Variants in SLC39A11 observed in about 807,000 individuals in gnomAD.
SLC39A11 encodes zinc transporter ZIP11.
SLC39A11 carries 33 observed loss-of-function variants against 36.1 expected under a neutral mutation model. The observed-to-expected ratio is 0.91, with a 90% CI of 0.69 to 1.22. The LOEUF is 1.22. SLC39A11 is among the 50% of genes most tolerant of loss of function. The probability of loss-of-function intolerance (pLI) is 0.00; values close to 1 mark genes in which losing one functional copy is unlikely to be tolerated. For missense variants in SLC39A11, 432 were observed against 430.3 expected, an observed-to-expected ratio of 1.00 and a Z score of -0.03; for synonymous variants, 166 against 170.3, an observed-to-expected ratio of 0.97 and a Z score of 0.20.
At chr17:72,903,019 C>A in intron 5 of SLC39A11, among the ~76,000 whole-genome samples, 1 of 152,168 alleles carries the variant, frequency 6.6e-6, no homozygotes, top group Admixed American at 6.5e-5. Context: ...GTAATCCCAA[C>A]ACTTTGGGAG....
intron 4 of SLC39A11, among the ~76,000 whole-genome samples, chr17:72,971,058 G>T (rs975929756): frequency 6.6e-6 from 1 of 152,154 alleles, no homozygotes; most frequent in Non-Finnish European, 1.5e-5. Flanking sequence ...TGACTGTCCT[G>T]CCTCTGAATC....
At chr17:72,772,026 C>A (rs2075966786) in intron 6 of SLC39A11, among the ~76,000 whole-genome samples, 1 of 152,168 alleles carries the variant, frequency 6.6e-6, no homozygotes, top group Non-Finnish European at 1.5e-5. Context: ...TCCCTTCCAT[C>A]ATTGAAACAA....
chr17:72,740,461 A>C (rs2074643270), intron 6 of SLC39A11, among the ~76,000 whole-genome samples: 1 of 152,166 alleles, frequency 6.6e-6, no homozygotes, highest in African/African-American at 2.4e-5. Context: ...TTGTCTGTTT[A>C]TAAAGAGGAG....
At chr17:72,847,669 T>C (rs1339795867) in intron 6 of SLC39A11, among the ~76,000 whole-genome samples, 1 of 152,122 alleles carries the variant, frequency 6.6e-6, no homozygotes, top group Non-Finnish European at 1.5e-5. Flanking sequence ...CTAGAATATA[T>C]AATATGTATT....
At chr17:73,013,562 C>T (rs1170593268) in intron 4 of SLC39A11, among the ~76,000 whole-genome samples, 1 of 152,254 alleles carries the variant, frequency 6.6e-6, no homozygotes, top group Non-Finnish European at 1.5e-5. Context: ...TCAGGCTGTA[C>T]TTTGCCAGCC....
chr17:72,659,665 C>A (rs902734308), intron 7 of SLC39A11, among the ~76,000 whole-genome samples: 2 of 148,984 alleles, frequency 1.3e-5, no homozygotes, highest in African/African-American at 5.0e-5. Flanking sequence ...TCACTGCAAC[C>A]TCTGCCTCCC....
intron 4 of SLC39A11, among the ~76,000 whole-genome samples, chr17:73,023,524 CTCT>C (rs2058428573): frequency 2.6e-5 from 4 of 152,104 alleles, no homozygotes; most frequent in Non-Finnish European, 4.4e-5. Flanking sequence ...CAGTGTCTCA[CTCT>C]TGCCCAGGCT....
chr17:72,912,228 T>C (rs1402574908), intron 5 of SLC39A11, among the ~76,000 whole-genome samples: 1 of 151,920 alleles, frequency 6.6e-6, no homozygotes, highest in African/African-American at 2.4e-5. Context: ...AGTCCAATCC[T>C]ATGATATGGA....
chr17:72,810,309 T>C (rs2077394361), intron 6 of SLC39A11, among the ~76,000 whole-genome samples: 1 of 152,226 alleles, frequency 6.6e-6, no homozygotes, highest in East Asian at 1.9e-4. Context: ...ACACTCATTG[T>C]GGTTTTTCTC....
Position 72,984,936 on chromosome 17 carries a change from C to T in SLC39A11, c.307-37061G>A, listed in dbSNP as rs28470326. On this transcript the variant is annotated intron_variant, in intron 4 of 9. Transcript: ENST00000255559. The stretch of plus-strand genomic sequence containing the variant: ...AATCCAATAACTCTAGAGAATTGCA[C>T]ACAGCAGCAATAACCCTCTTATGGA... Among the ~76,000 whole-genome samples, 401 of 152,318 alleles carry T rather than the reference C, an allele frequency of 2.6e-3. 1 individual carries two copies. The highest frequency in any genetic ancestry group is 4.7e-3 in the Non-Finnish European group (323 of 68,022).
At chr17:72,786,222 CAT>C (rs2076510391) in intron 6 of SLC39A11, among the ~76,000 whole-genome samples, 1 of 152,192 alleles carries the variant, frequency 6.6e-6, no homozygotes, top group Non-Finnish European at 1.5e-5. Context: ...CATCCACAAA[CAT>C]ATGGAAAACT....
intron 5 of SLC39A11, among the ~76,000 whole-genome samples, chr17:72,856,671 A>G (rs1031706542): frequency 5.3e-5 from 8 of 151,762 alleles, no homozygotes; most frequent in Non-Finnish European, 1.0e-4. Flanking sequence ...GTCTCTTTCA[A>G]TATTAAAACT....
chr17:73,082,405 T>A (rs1394767845), intron 3 of SLC39A11, among the ~76,000 whole-genome samples: 7 of 152,158 alleles, frequency 4.6e-5, no homozygotes, highest in Non-Finnish European at 1.0e-4. Context: ...TTCATCTATA[T>A]GAGGATAGTT....
At chr17:73,069,226 T>C (rs964726717) in intron 3 of SLC39A11, among the ~76,000 whole-genome samples, 4 of 152,150 alleles carry the variant, frequency 2.6e-5, no homozygotes. Context: ...AGAAGTAACC[T>C]CCCTGTCACT....
intron 3 of SLC39A11, among the ~76,000 whole-genome samples, chr17:73,064,475 T>G (rs557852687): frequency 1.3e-5 from 2 of 152,158 alleles, no homozygotes; most frequent in Non-Finnish European, 1.5e-5. Flanking sequence ...TTGAGATGCC[T>G]GGAGGTTAAA....
intron 7 of SLC39A11, among the ~76,000 whole-genome samples, chr17:72,712,153 A>C (rs552334781): frequency 1.3e-5 from 2 of 152,370 alleles, no homozygotes; most frequent in East Asian, 1.9e-4. Context: ...GAGAGGGAGC[A>C]GATGGGCTGA....
At chr17:72,726,711 T>C (rs1426605213) in intron 7 of SLC39A11, among the ~76,000 whole-genome samples, 1 of 152,222 alleles carries the variant, frequency 6.6e-6, no homozygotes, top group Non-Finnish European at 1.5e-5. Flanking sequence ...AACTAATGGC[T>C]GCTGTCTTAA....
At chr17:72,923,605 T>C (rs1421460688) in intron 5 of SLC39A11, among the ~76,000 whole-genome samples, 1 of 152,190 alleles carries the variant, frequency 6.6e-6, no homozygotes, top group African/African-American at 2.4e-5. Flanking sequence ...GCCCCTGTGA[T>C]CACTTCGAAG....
chr17:72,666,945 G>A (rs895944843), intron 7 of SLC39A11, among the ~76,000 whole-genome samples: 18 of 152,178 alleles, frequency 1.2e-4, no homozygotes, highest in Non-Finnish European at 1.6e-4. Context: ...CAGGGAGAGC[G>A]AGAGGCATGT....
Sources: gnomAD v4.1 joint callset for allele counts (sites outside exome capture counted in the v4.1 genomes callset) on GRCh38, gnomAD v4.1.1 for gene constraint, MANE v1.5 for transcripts, NCBI Gene and HGNC (gene_info 2026-07-23, HGNC 2026-07-21) for gene names.